Variants in LRRC66 observed in about 807,000 individuals in gnomAD.
The protein encoded by LRRC66 is leucine-rich repeat-containing protein 66.
Under a neutral mutation model 24.6 loss-of-function variants are expected in LRRC66, and 29 were observed. The observed-to-expected ratio is 1.18, with a 90% CI of 0.88 to 1.61. LRRC66 has a LOEUF of 1.61. Among genes scored for constraint, LRRC66 ranks in the 40% most tolerant of loss-of-function variants. The pLI is 0.00. For synonymous variants in LRRC66, 411 were observed against 397.6 expected, an observed-to-expected ratio of 1.03 and a Z score of -0.40; for missense variants, 1,124 against 1,058.0, an observed-to-expected ratio of 1.06 and a Z score of -0.87.
rs953677424 is a variant in LRRC66 at position 52,003,140 on chromosome 4, G to C, written c.666+83C>G. On this transcript the variant is annotated intron_variant, in intron 3 of 4. Transcript: ENST00000682860. Reference sequence around the variant, plus strand: ...AATAGCCAGTACTACTGGACATGAAGAAACTCTTCAATAGAAATATGCTTC... The same window carrying C: ...AATAGCCAGTACTACTGGACATGAACAAACTCTTCAATAGAAATATGCTTC... The C allele has an allele frequency of 6.2e-6, 7 of 1,127,248 alleles. No individual in the cohort carries two copies. In the African/African-American group the frequency reaches 6.3e-5, roughly 10 times the overall value. The allele number at this position is 1,127,248 out of a possible 1,614,324, so 69.8% of individuals were successfully genotyped here.
At chr4:52,019,383 T>A (rs1173530053) in intron 1 of LRRC66, among the ~76,000 whole-genome samples, 1 of 152,208 alleles carries the variant, frequency 6.6e-6, no homozygotes, top group Non-Finnish European at 1.5e-5. Flanking sequence ...ACATTATCTA[T>A]CTATCTATCT....
In LRRC66 at chr4:51,994,043, G is replaced by A. The variant is rs1736227901; in HGVS notation, c.*336C>T. 4.7e-6 allele frequency: 1 copy of A among 213,632 alleles called. No homozygotes were observed. Among genetic ancestry groups the A allele is most frequent in the Non-Finnish European group, 9.3e-6 (1 of 107,922 alleles). 13.2% of individuals were successfully genotyped at this position (213,632 alleles called of 1,614,324 possible). A position where few individuals can be genotyped will look rare whatever the true frequency, so the allele number is the denominator to read the frequency against. The stretch of plus-strand genomic sequence containing the variant: ...ATATTTACCCCAACCTATTGATGAA[G>A]TGCTCCTGTGTTCTCAGTGAACTGG... On this transcript the variant is annotated 3_prime_UTR_variant, in exon 5 of 5. Coordinates refer to ENST00000682860, the MANE Select transcript of LRRC66 (RefSeq NM_001024611.3).
At chr4:52,005,331 C>A (rs1191232340) in intron 2 of LRRC66, among the ~76,000 whole-genome samples, 1 of 152,090 alleles carries the variant, frequency 6.6e-6, no homozygotes, top group African/African-American at 2.4e-5. Context: ...GTACTCATGT[C>A]TCTATCAAAA....
chr4:51,997,667 C>T, intron 4 of LRRC66, 81 bp downstream of exon 4: 1 of 1,313,592 alleles, frequency 7.6e-7, no homozygotes, highest in Non-Finnish European at 1.1e-6. Flanking sequence ...TGGGGACTGT[C>T]ATTATTTCAA....
In LRRC66 at chr4:51,995,717, T is replaced by C. The variant is rs1736289961; in HGVS notation, c.1305A>G (p.Thr435=). Residue 435 remains threonine (T), a synonymous_variant, in exon 5 of 5, where the codon ACA becomes ACG. Transcript: ENST00000682860. ...GGCGCAGATGGGTCTCTGGGTGTGG[T>C]GTGTGCCCCGCAGCTTCCATGTCAT... ...FYDDMEAAGH[T]PHPETHLRQV... 6.2e-7 allele frequency: 1 copy of C among 1,614,018 alleles called. No homozygotes were observed. The highest frequency in any genetic ancestry group is 1.1e-5 in the South Asian group (1 of 91,080).
At chr4:51,997,615 C>A (rs1736353021) in intron 4 of LRRC66, 133 bp downstream of exon 4, 1 of 769,138 alleles carries the variant, frequency 1.3e-6, no homozygotes, top group Non-Finnish European at 2.2e-6. Context: ...TATGACACAG[C>A]CCAAGACTGA....
At chr4:52,016,135 C>A (rs1181933756) in intron 2 of LRRC66, among the ~76,000 whole-genome samples, 1 of 152,174 alleles carries the variant, frequency 6.6e-6, no homozygotes, top group Admixed American at 6.5e-5. Flanking sequence ...AAGACGCCCA[C>A]CCTTCTCAAA....
intron 2 of LRRC66, among the ~76,000 whole-genome samples, chr4:52,008,629 ACAAAC>A (rs1254156558): frequency 6.6e-6 from 1 of 152,214 alleles, no homozygotes; most frequent in Non-Finnish European, 1.5e-5. Context: ...CAACATTTAA[ACAAAC>A]TGAAAATCTT....
rs762326234 is a variant in LRRC66, at chr4:51,995,998, C to T, written c.1024G>A (p.Gly342Ser). 1.2e-6 allele frequency: 2 copies of T among 1,613,940 alleles called. No homozygotes were observed. Among genetic ancestry groups the T allele is most frequent in the Admixed American group, 3.3e-5 (2 of 60,008 alleles). The change falls in exon 5 of 5, where the codon GGC becomes AGC. Residue 342 changes from glycine (G) to serine (S), a missense_variant. By Grantham distance (56) the Gly-to-Ser change is moderately conservative. Coordinates refer to ENST00000682860, the MANE Select transcript of LRRC66 (RefSeq NM_001024611.3). ...CTCTGCTTCTTCCTGAGACCAGAGC[C>T]GGCCTTTGCCTTCTTCCCCAGAGTA... ...ISTLGKKAKAGSGLRKKQRRL... is the reference protein window; with the variant it reads ...ISTLGKKAKASSGLRKKQRRL...
In LRRC66 at chr4:51,995,079, G is replaced by T. The variant is rs534526166; in HGVS notation, c.1943C>A (p.Ala648Glu). The T allele has an allele frequency of 1.2e-6, 2 of 1,614,178 alleles. No homozygotes were observed. Among genetic ancestry groups the T allele is most frequent in the Non-Finnish European group, 1.7e-6 (2 of 1,180,036 alleles). ...AACCTCGCTGTAGTGGGCTGAAAGCGCTTCCTCAGCCCTTGCCCCGGACAG... is the reference window on the plus strand; with the variant it reads ...AACCTCGCTGTAGTGGGCTGAAAGCTCTTCCTCAGCCCTTGCCCCGGACAG... ...PRLSGARAEE[A>E]LSAHYSEVPY... Residue 648 changes from alanine to glutamate, a missense_variant, in exon 5 of 5, where the codon GCG becomes GAG. Coordinates refer to ENST00000682860, the MANE Select transcript of LRRC66 (RefSeq NM_001024611.3).
At chr4:52,009,151 G>A (rs1367371041) in intron 2 of LRRC66, among the ~76,000 whole-genome samples, 1 of 152,014 alleles carries the variant, frequency 6.6e-6, no homozygotes, top group Non-Finnish European at 1.5e-5. Flanking sequence ...AATAACCCAT[G>A]GGACCAAGAA....
chr4:51,995,575 C>G lies in LRRC66; in HGVS notation c.1447G>C (p.Gly483Arg). 6.2e-7 allele frequency: 1 copy of G among 1,614,162 alleles called. No homozygotes were observed. The highest frequency in any genetic ancestry group is 2.2e-5 in the East Asian group (1 of 44,868). ...RTLGRSRKDP[G>R]SSQSPGQCGD... ...CACTGTCCTGGGCTCTGCGAACTGC[C>G]AGGATCCTTTCTGCTCCTTCCCAGA... The change falls in exon 5 of 5, where the codon GGC becomes CGC. Residue 483 changes from glycine (G) to arginine (R), a missense_variant. Gly to Arg is a moderately radical substitution (Grantham distance 125). Transcript: ENST00000682860.
intron 3 of LRRC66, among the ~76,000 whole-genome samples, chr4:51,999,895 T>C (rs1454123689): frequency 6.6e-6 from 1 of 152,194 alleles, no homozygotes; most frequent in East Asian, 1.9e-4. Context: ...GGAAAAGAAA[T>C]GCTAATTTGA....
intron 2 of LRRC66, among the ~76,000 whole-genome samples, chr4:52,012,126 G>A (rs535653889): frequency 4.6e-5 from 7 of 152,218 alleles, no homozygotes; most frequent in East Asian, 3.9e-4. Context: ...GGTGGAGGTT[G>A]TAGTGAGCTG....
At position 51,994,982 on chromosome 4, in the gene LRRC66, A is replaced by C; in HGVS notation, c.2040T>G (p.Thr680=). The C allele has an allele frequency of 6.2e-7, 1 of 1,614,152 alleles. No individual in the cohort carries two copies. The highest frequency in any genetic ancestry group is 1.7e-5 in the Admixed American group (1 of 60,030). ...PPRWDSGLDV[T]PANKEPVQKS... ...TCTGCACTGGTTCCTTGTTAGCAGG[A>C]GTGACATCCAGGCCACTGTCCCATC... The change falls in exon 5 of 5, where the codon ACT becomes ACG. Residue 680 remains threonine (T), a synonymous_variant. Transcript: ENST00000682860.
At chr4:51,996,672 T>C (rs139244571) in intron 4 of LRRC66, among the ~76,000 whole-genome samples, 36 of 152,318 alleles carry the variant, frequency 2.4e-4, no homozygotes, top group African/African-American at 8.4e-4. Context: ...CATTCATTCG[T>C]TTTTGTTTAA....
At chr4:52,013,929 C>G (rs1343585430) in intron 2 of LRRC66, among the ~76,000 whole-genome samples, 1 of 152,212 alleles carries the variant, frequency 6.6e-6, no homozygotes, top group Non-Finnish European at 1.5e-5. Flanking sequence ...TTATAGTGGG[C>G]TACTACTTCA....
intron 2 of LRRC66, among the ~76,000 whole-genome samples, chr4:52,007,600 G>A (rs1343634593): frequency 6.6e-6 from 1 of 152,166 alleles, no homozygotes; most frequent in African/African-American, 2.4e-5. Context: ...TGATTACTAC[G>A]ATCTTCAAGC....
At position 52,017,551 on chromosome 4, in the gene LRRC66, CATT is replaced by C. The variant is rs765812327; in HGVS notation, c.60_62del (p.Ile20del). ...TATTGCTTTTTCTTGATGCATTTGTCATTATTCCAGTAAAATAAAGACCTATAA... is the reference window on the plus strand; with the variant it reads ...TATTGCTTTTTCTTGATGCATTTGTCATTCCAGTAAAATAAAGACCTATAA... On this transcript the variant is annotated inframe_deletion, in exon 2 of 5. Transcript: ENST00000682860. 6.2e-7 allele frequency: 1 copy of C among 1,609,718 alleles called. No individual in the cohort carries two copies. Among genetic ancestry groups the C allele is most frequent in the Non-Finnish European group, 8.5e-7 (1 of 1,178,530 alleles).
Sources: allele counts gnomAD v4.1 joint callset (sites outside exome capture counted in the v4.1 genomes callset), GRCh38; gene constraint gnomAD v4.1.1; transcripts MANE v1.5; gene names NCBI Gene and HGNC (gene_info 2026-07-23, HGNC 2026-07-21).